The following TMEM41B variants were observed in gnomAD, a reference collection of about 807,000 sequenced individuals.
TMEM41B encodes protein stasimon.
Under a neutral mutation model 31.9 loss-of-function variants are expected in TMEM41B, and 18 were observed. That is an observed-to-expected ratio of 0.56 (90% CI 0.39 to 0.84). The LOEUF (loss-of-function observed/expected upper bound fraction) is 0.84, where lower values mean the gene tolerates loss of function less well. Among genes scored for constraint, TMEM41B ranks in the 40% least tolerant of loss-of-function variants. TMEM41B has a pLI of 0.00. For missense variants in TMEM41B, 322 were observed against 348.0 expected (o/e 0.93, Z 0.59); for synonymous variants, 144 against 124.3 (o/e 1.16, Z -1.05).
Position 9,283,557 on chromosome 11 carries a change from C to G in TMEM41B, c.743G>C (p.Gly248Ala). Reference sequence around the variant, plus strand: ...TGTTGTAAGTTGATACAGTGTTGTTCCTGCCTTAATGGCTACAAAAGAAGG... The same window carrying G: ...TGTTGTAAGTTGATACAGTGTTGTTGCTGCCTTAATGGCTACAAAAGAAGG... Reference protein sequence around the residue: ...APPSFVAIKAGTTLYQLTTAG... With the variant: ...APPSFVAIKAATTLYQLTTAG... The change falls in exon 7 of 7, where the codon GGA (glycine) becomes GCA (alanine). Residue 248 changes from glycine (G) to alanine (A), a missense_variant. By Grantham distance (60) the Gly-to-Ala change is moderately conservative. Coordinates refer to ENST00000528080, the MANE Select transcript of TMEM41B (RefSeq NM_015012.4). The G allele has an allele frequency of 1.2e-6, 2 of 1,610,906 alleles. No individual in the cohort carries two copies. The highest frequency in any genetic ancestry group is 1.7e-6 in the Non-Finnish European group (2 of 1,179,294).
intron 1 of TMEM41B, among the ~76,000 whole-genome samples, chr11:9,301,726 G>A (rs376304869): frequency 6.6e-6 from 1 of 152,176 alleles, no homozygotes; most frequent in East Asian, 1.9e-4. Context: ...TGGCTGACCA[G>A]ATTTTCTCTT....
intron 3 of TMEM41B, among the ~76,000 whole-genome samples, chr11:9,291,411 A>AT (rs71062826): frequency 0.67 from 100,745 of 150,040 alleles, 34,022 homozygotes; most frequent in Non-Finnish European, 0.71. Context: ...ATAAAAATAA[A>AT]TTTTTTTTTG....
In TMEM41B at chr11:9,282,485, G is replaced by C. The variant is rs576446195; in HGVS notation, c.*939C>G. 6.6e-6 allele frequency: 1 copy of C among 151,760 alleles called. No homozygotes were observed. Among genetic ancestry groups the C allele is most frequent in the African/African-American group, 2.4e-5 (1 of 41,264 alleles). The allele number at this position is 151,760 out of a possible 1,614,324, so 9.4% of individuals were successfully genotyped here. A position where few individuals can be genotyped will look rare whatever the true frequency, so the allele number is the denominator to read the frequency against. On this transcript the variant is annotated 3_prime_UTR_variant, in exon 7 of 7. Transcript: ENST00000528080. Reference sequence around the variant, plus strand: ...AAAAACTACAAGATGAAAGAAAACCGACTGGCCAGAACTTTAAATTTCAGA... The same window carrying C: ...AAAAACTACAAGATGAAAGAAAACCCACTGGCCAGAACTTTAAATTTCAGA...
intron 2 of TMEM41B, among the ~76,000 whole-genome samples, chr11:9,296,616 A>G (rs1271127412): frequency 4.0e-5 from 6 of 151,508 alleles, no homozygotes; most frequent in Non-Finnish European, 8.8e-5. Flanking sequence ...AAAAAAAAAA[A>G]AAAAAAAGAA....
chr11:9,311,645 T>C (rs1853565329), intron 1 of TMEM41B: 4 of 865,246 alleles, frequency 4.6e-6, no homozygotes, highest in Non-Finnish European at 7.6e-6. Flanking sequence ...CAATGTTGGG[T>C]GGATATGGAT....
At chr11:9,294,482 C>A in intron 3 of TMEM41B, among the ~76,000 whole-genome samples, 1 of 140,286 alleles carries the variant, frequency 7.1e-6, no homozygotes. Flanking sequence ...GAGCAAAACT[C>A]CATCTCAAAA....
chr11:9,285,434 A>G (rs1265253043), intron 6 of TMEM41B, among the ~76,000 whole-genome samples: 2 of 152,130 alleles, frequency 1.3e-5, no homozygotes, highest in East Asian at 3.8e-4. Flanking sequence ...TTCTTTTCAA[A>G]AAGACATATT....
intron 1 of TMEM41B, among the ~76,000 whole-genome samples, chr11:9,304,463 CATTT>C (rs1853334569): frequency 6.6e-6 from 1 of 151,946 alleles, no homozygotes; most frequent in East Asian, 1.9e-4. Flanking sequence ...ATATAAACCC[CATTT>C]ATTTATTATT....
intron 3 of TMEM41B, among the ~76,000 whole-genome samples, chr11:9,292,127 A>C (rs1412512026): frequency 6.6e-6 from 1 of 152,228 alleles, no homozygotes; most frequent in African/African-American, 2.4e-5. Flanking sequence ...GTATTTGCTC[A>C]AAGGATCACT....
At chr11:9,287,628 T>C in intron 5 of TMEM41B, 74 bp downstream of exon 5, 1 of 983,146 alleles carries the variant, frequency 1.0e-6, no homozygotes, top group Non-Finnish European at 1.5e-6. Context: ...ATGTAGTTAA[T>C]TCATGTAGGG....
chr11:9,293,746 C>G (rs1289874123), intron 3 of TMEM41B, among the ~76,000 whole-genome samples: 1 of 151,986 alleles, frequency 6.6e-6, no homozygotes, highest in Non-Finnish European at 1.5e-5. Context: ...CCACGCCCAG[C>G]TAATTTTTGT....
chr11:9,285,826 A>G (rs1008511154), intron 6 of TMEM41B, among the ~76,000 whole-genome samples: 13 of 151,954 alleles, frequency 8.6e-5, no homozygotes, highest in African/African-American at 2.2e-4. Flanking sequence ...AAAAAAAAAA[A>G]AAAGAAAGGG....
intron 1 of TMEM41B, 91 bp downstream of exon 1, chr11:9,314,230 G>A (rs1206325698): frequency 2.8e-6 from 4 of 1,414,394 alleles, no homozygotes; most frequent in Non-Finnish European, 3.7e-6. Context: ...CTCTTTCCCC[G>A]CGACTCTCCG....
intron 3 of TMEM41B, among the ~76,000 whole-genome samples, chr11:9,290,933 C>T (rs773463900): frequency 4.6e-5 from 7 of 152,004 alleles, no homozygotes; most frequent in Non-Finnish European, 1.0e-4. Flanking sequence ...CTGGCCAACA[C>T]GATGAAACCC....
Position 9,296,825 on chromosome 11 carries a change from T to C in TMEM41B, c.240-1438A>G, listed in dbSNP as rs1190985739. ...CAAGTTTTCCAGTACTTTTACTCTA[T>C]ATTTGGCACTTTGTTTGGAACTGAA... On this transcript the variant is annotated intron_variant, in intron 2 of 6. Transcript: ENST00000528080. Among the ~76,000 whole-genome samples the C allele has an allele frequency of 3.3e-5, 5 of 152,190 alleles. 1 individual carries two copies. Among genetic ancestry groups the C allele is most frequent in the South Asian group, 4.1e-4 (2 of 4,834 alleles).
rs145710995 is a variant in TMEM41B, at chr11:9,300,166, T to C, written c.122-465A>G. Among the ~76,000 whole-genome samples the C allele has an allele frequency of 8.9e-3, 1,353 of 152,256 alleles. 18 individuals are homozygous for C. The highest frequency in any genetic ancestry group is 0.031 in the African/African-American group (1,307 of 41,546). On this transcript the variant is annotated intron_variant, in intron 1 of 6. Coordinates refer to ENST00000528080, the MANE Select transcript of TMEM41B (RefSeq NM_015012.4). ...ATTATATTTAAGCACTGTACAGTAC[T>C]TGAAGTTTAATAACTGGATATATTA...
At position 9,281,267 on chromosome 11, in the gene TMEM41B, T is replaced by C. The variant is rs1463568728; in HGVS notation, c.*2157A>G. The C allele has an allele frequency of 6.6e-6, 1 of 152,220 alleles. No individual in the cohort carries two copies. The highest frequency in any genetic ancestry group is 2.4e-5 in the African/African-American group (1 of 41,460). 9.4% of individuals were successfully genotyped at this position (152,220 alleles called of 1,614,324 possible). A position where few individuals can be genotyped will look rare whatever the true frequency, so the allele number is the denominator to read the frequency against. On this transcript the variant is annotated 3_prime_UTR_variant, in exon 7 of 7. Coordinates refer to ENST00000528080, the MANE Select transcript of TMEM41B (RefSeq NM_015012.4). ...TTAGTGAATTTGTCCAAAAAGGCTA[T>C]GTTTAATTTATGTGTAAAAATAACA...
rs1327210349 is a variant in TMEM41B at position 9,282,370 on chromosome 11, A to G, written c.*1054T>C. ...CCACTCCAGCCTGGGCAACAGCAAG[A>G]CTCCGTCTCAAAAAAAAAAAAAATT... On this transcript the variant is annotated 3_prime_UTR_variant, in exon 7 of 7. Transcript: ENST00000528080. The G allele has an allele frequency of 2.0e-5, 3 of 150,214 alleles. No homozygotes were observed. The East Asian group carries it at 5.9e-4, about 29-fold the overall frequency. The allele number at this position is 150,214 out of a possible 1,614,324, so 9.3% of individuals were successfully genotyped here.
At chr11:9,309,458 T>C (rs988833295) in intron 1 of TMEM41B, among the ~76,000 whole-genome samples, 3 of 144,826 alleles carry the variant, frequency 2.1e-5, no homozygotes, top group Non-Finnish European at 4.6e-5. Context: ...ACCATACTAA[T>C]GCTTTGGTTG....
Sources: gnomAD v4.1 joint callset for allele counts (sites outside exome capture counted in the v4.1 genomes callset) on GRCh38, gnomAD v4.1.1 for gene constraint, MANE v1.5 for transcripts, NCBI Gene and HGNC (gene_info 2026-07-23, HGNC 2026-07-21) for gene names.